Variants in LY75 observed in about 807,000 individuals in gnomAD.
The protein encoded by LY75 is lymphocyte antigen 75, also known as C-type lectin domain family 13 member B.
LY75 carries 185 observed loss-of-function variants against 231.7 expected under a neutral mutation model. The observed-to-expected ratio is 0.80, with a 90% CI of 0.71 to 0.90. The LOEUF (loss-of-function observed/expected upper bound fraction) is 0.90, where lower values mean the gene tolerates loss of function less well. LY75 is among the 40% of genes least tolerant of loss of function. The pLI is 0.00. For missense variants in LY75, 1,947 were observed against 2,050.2 expected (o/e 0.95, Z 0.97); for synonymous variants, 668 against 689.0 (o/e 0.97, Z 0.48).
intron 5 of LY75, 40 bp from the exon 6 acceptor site, chr2:159,885,333 GTT>G: frequency 6.3e-7 from 1 of 1,596,074 alleles, no homozygotes; most frequent in African/African-American, 1.3e-5. Context: ...GAATGAGAAA[GTT>G]AGGGCCAGGA....
chr2:159,872,804 G>T (rs978697319), intron 12 of LY75, among the ~76,000 whole-genome samples: 2 of 152,090 alleles, frequency 1.3e-5, no homozygotes, highest in Admixed American at 1.3e-4. Context: ...CAGTCCTTGT[G>T]GTCAGATGGA....
At chr2:159,865,065 G>A (rs947366781) in intron 13 of LY75, 145 bp from the exon 14 acceptor site, 4 of 579,752 alleles carry the variant, frequency 6.9e-6, no homozygotes, top group African/African-American at 1.9e-5. Context: ...AGCCCTTAAT[G>A]TGGGGTAGTT....
intron 8 of LY75, 149 bp from the exon 9 acceptor site, chr2:159,879,518 T>C: frequency 8.6e-7 from 1 of 1,164,280 alleles, no homozygotes; most frequent in Non-Finnish European, 1.2e-6. Context: ...TAGAAAATGC[T>C]ACTCAACAGG....
At chr2:159,823,178 T>A (rs902349350) in intron 28 of LY75, among the ~76,000 whole-genome samples, 3 of 152,106 alleles carry the variant, frequency 2.0e-5, no homozygotes, top group African/African-American at 7.2e-5. Context: ...TCTAACCCAA[T>A]GCAAGGAAGC....
Position 159,803,521 on chromosome 2 carries a change from T to C in LY75, c.*1523A>G, listed in dbSNP as rs542665938. The stretch of plus-strand genomic sequence containing the variant: ...CTAGTCTAACAAATTCAATAAGAAA[T>C]CAGGACAACTGTAGACTATATAAAA... On this transcript the variant is annotated 3_prime_UTR_variant, in exon 35 of 35. Coordinates refer to ENST00000263636, the MANE Select transcript of LY75 (RefSeq NM_002349.4). The C allele has an allele frequency of 9.2e-5, 14 of 152,274 alleles. No homozygotes were observed. The highest frequency in any genetic ancestry group is 1.8e-4 in the Non-Finnish European group (12 of 68,010). The allele number at this position is 152,274 out of a possible 1,614,324, so 9.4% of individuals were successfully genotyped here.
Position 159,898,965 on chromosome 2 carries a change from C to T in LY75, c.189G>A (p.Glu63=). ...WIVADDCDET[E]DKLWKWVSQH... ...GGGACACCCACTTCCATAACTTGTC[C>T]TCAGTTTCATCACAGTCGTCTGCTA... Residue 63 remains glutamate (E), a synonymous_variant, in exon 2 of 35, where the codon GAG becomes GAA. Coordinates refer to ENST00000263636, the MANE Select transcript of LY75 (RefSeq NM_002349.4). The T allele has an allele frequency of 6.2e-7, 1 of 1,614,228 alleles. No homozygotes were observed. Among genetic ancestry groups the T allele is most frequent in the Middle Eastern group, 1.6e-4 (1 of 6,062 alleles).
chr2:159,812,936 G>A (rs1400689288), intron 31 of LY75, among the ~76,000 whole-genome samples: 1 of 152,074 alleles, frequency 6.6e-6, no homozygotes, highest in East Asian at 1.9e-4. Context: ...CATATAAATG[G>A]AATCATAGAG....
At chr2:159,820,240 C>A (rs944804647) in intron 28 of LY75, among the ~76,000 whole-genome samples, 2 of 152,100 alleles carry the variant, frequency 1.3e-5, no homozygotes, top group African/African-American at 2.4e-5. Flanking sequence ...ATGTTTATAG[C>A]AGCACAATTC....
At chr2:159,886,376 TGAA>T in intron 5 of LY75, 41 bp downstream of exon 5, 1 of 1,500,090 alleles carries the variant, frequency 6.7e-7, no homozygotes, top group Non-Finnish European at 8.9e-7. Context: ...TTTGCTTTTT[TGAA>T]GATTTGTTCT....
At chr2:159,854,986 A>C in intron 16 of LY75, 47 bp from the exon 17 acceptor site, 1 of 1,610,592 alleles carries the variant, frequency 6.2e-7, no homozygotes, top group Non-Finnish European at 8.5e-7. Flanking sequence ...ATGACAGATC[A>C]GGGTATACTA....
chr2:159,896,505 A>G (rs1685912911), intron 2 of LY75, among the ~76,000 whole-genome samples: 1 of 152,222 alleles, frequency 6.6e-6, no homozygotes, highest in Admixed American at 6.5e-5. Context: ...GTAACAAACC[A>G]GGTAACCTTG....
At chr2:159,883,131 G>GGGGGGA (rs1685485322) in intron 6 of LY75, among the ~76,000 whole-genome samples, 1 of 135,286 alleles carries the variant, frequency 7.4e-6, no homozygotes, top group Non-Finnish European at 1.6e-5. Context: ...GTTGTGGGGT[G>GGGGGGA]GGGGGAGGGG....
chr2:159,872,339 A>G (rs1312283049), intron 13 of LY75, 112 bp downstream of exon 13: 4 of 1,405,060 alleles, frequency 2.8e-6, no homozygotes, highest in Non-Finnish European at 3.8e-6. Context: ...CTTTTAGATA[A>G]TAAAACATGT....
rs67887100 is a variant in LY75, at chr2:159,850,773, C to CATAT, written c.2884-310_2884-307dup. 5.1e-3 allele frequency among the ~76,000 whole-genome samples: 139 copies of CATAT among 27,158 alleles called. 9 individuals carry two copies. Among genetic ancestry groups the CATAT allele is most frequent in the South Asian group, 0.014 (20 of 1,456 alleles). The allele number at this position is 27,158 out of a possible 152,430, so 17.8% of individuals were successfully genotyped here. On this transcript the variant is annotated intron_variant, in intron 21 of 34. Transcript: ENST00000263636. ...AACTGAAGAGCGGTCTTCAAACTTTCATATATATATATATATATATATATA... is the reference window on the plus strand; with the variant it reads ...AACTGAAGAGCGGTCTTCAAACTTTCATATATATATATATATATATATATATATA...
intron 31 of LY75, 113 bp from the exon 32 acceptor site, chr2:159,810,788 T>A: frequency 6.8e-7 from 1 of 1,471,080 alleles, no homozygotes; most frequent in Non-Finnish European, 9.1e-7. Context: ...GAGTAGCATT[T>A]AACTCATACC....
In LY75 at chr2:159,875,465, G is replaced by A. The variant is rs200795636; in HGVS notation, c.1953C>T (p.Pro651=). 1.3e-4 allele frequency: 217 copies of A among 1,613,046 alleles called. No individual in the cohort carries two copies. The highest frequency in any genetic ancestry group is 2.8e-4 in the Admixed American group (17 of 59,766). ...DPCPEGWQSF[P]ASLSCYKVFH... ...TTACCTTATAACAAGAAAGACTTGCGGGGAAACTCTGCCAGCCTTCAGGAC... is the reference window on the plus strand; with the variant it reads ...TTACCTTATAACAAGAAAGACTTGCAGGGAAACTCTGCCAGCCTTCAGGAC... The change falls in exon 12 of 35, where the codon CCC becomes CCT. Residue 651 remains proline, a synonymous_variant. Transcript: ENST00000263636.
intron 16 of LY75, among the ~76,000 whole-genome samples, chr2:159,857,917 TAGC>T (rs1298058816): frequency 1.5e-4 from 23 of 152,310 alleles, no homozygotes; most frequent in Middle Eastern, 6.8e-3. Context: ...TATAAAGTAT[TAGC>T]AGTTTTATAG....
chr2:159,851,201 C>T (rs561979535), intron 21 of LY75, among the ~76,000 whole-genome samples: 1 of 152,210 alleles, frequency 6.6e-6, no homozygotes, highest in African/African-American at 2.4e-5. Context: ...AAAAGATTGT[C>T]CTAATTTTAA....
chr2:159,889,417 G>C (rs1307001600), intron 4 of LY75, among the ~76,000 whole-genome samples: 3 of 151,602 alleles, frequency 2.0e-5, no homozygotes, highest in Non-Finnish European at 4.4e-5. Flanking sequence ...TTTTTGTAGA[G>C]ACGTGGTCTC....
Sources: allele counts gnomAD v4.1 joint callset (sites outside exome capture counted in the v4.1 genomes callset), GRCh38; gene constraint gnomAD v4.1.1; transcripts MANE v1.5; gene names NCBI Gene and HGNC (gene_info 2026-07-23, HGNC 2026-07-21).